KIF6: variants seen among roughly 807,000 people sequenced by gnomAD.
KIF6 encodes the protein kinesin-like protein KIF6.
Under a neutral mutation model 112.7 loss-of-function variants are expected in KIF6, and 106 were observed. The ratio of observed to expected loss-of-function variants is 0.94; its 90% CI spans 0.80 to 1.11. The LOEUF is 1.11. Ranked by LOEUF, KIF6 falls within the 50% of genes least tolerant of loss-of-function variation. The pLI is 0.00. For synonymous variants in KIF6, 339 were observed against 339.9 expected, an observed-to-expected ratio of 1.00 and a Z score of 0.03; for missense variants, 929 against 964.0, an observed-to-expected ratio of 0.96 and a Z score of 0.48.
intron 22 of KIF6, among the ~76,000 whole-genome samples, chr6:39,340,907 A>G (rs1763291672): frequency 6.6e-6 from 1 of 152,122 alleles, no homozygotes; most frequent in African/African-American, 2.4e-5. Context: ...TTACAGGGGA[A>G]GGGATATCTC....
chr6:39,617,108 C>T (rs1260335028), intron 5 of KIF6, among the ~76,000 whole-genome samples: 1 of 152,068 alleles, frequency 6.6e-6, no homozygotes, highest in Non-Finnish European at 1.5e-5. Context: ...GAACAGCTTT[C>T]CCTACAAAAT....
chr6:39,653,730 C>T (rs767352499), intron 3 of KIF6, among the ~76,000 whole-genome samples: 4 of 152,164 alleles, frequency 2.6e-5, no homozygotes, highest in Non-Finnish European at 5.9e-5. Context: ...CCCACCACTT[C>T]TCCCTAACTT....
rs142430570 is a variant in KIF6, at chr6:39,549,380, T to C, written c.1182-3692A>G. ...CACTCTTCTGTGCTATTTGCATATATCATTTCCTTAATTTTTACAACAACC... is the reference window on the plus strand; with the variant it reads ...CACTCTTCTGTGCTATTTGCATATACCATTTCCTTAATTTTTACAACAACC... On this transcript the variant is annotated intron_variant, in intron 10 of 22. Coordinates refer to ENST00000287152, the MANE Select transcript of KIF6 (RefSeq NM_145027.6). 8.4e-4 allele frequency among the ~76,000 whole-genome samples: 128 copies of C among 152,328 alleles called. 1 individual carries two copies. In the East Asian group the frequency reaches 0.01, roughly 12 times the overall value.
chr6:39,596,327 T>A, intron 6 of KIF6, 67 bp from the exon 7 acceptor site: 1 of 1,098,188 alleles, frequency 9.1e-7, no homozygotes, highest in Non-Finnish European at 1.4e-6. Flanking sequence ...TCAAAAGATT[T>A]AAAATAATAT....
chr6:39,422,303 G>A (rs1456388836), intron 14 of KIF6, among the ~76,000 whole-genome samples: 2 of 152,158 alleles, frequency 1.3e-5, no homozygotes, highest in African/African-American at 2.4e-5. Flanking sequence ...GATGTGTCTG[G>A]GGGGCCTGGC....
At chr6:39,347,310 A>G (rs1763881164) in intron 19 of KIF6, among the ~76,000 whole-genome samples, 1 of 152,118 alleles carries the variant, frequency 6.6e-6, no homozygotes, top group Non-Finnish European at 1.5e-5. Context: ...ACCCCTGACC[A>G]CACTGCCTGC....
At chr6:39,369,430 G>A (rs1299954671) in intron 16 of KIF6, among the ~76,000 whole-genome samples, 1 of 152,178 alleles carries the variant, frequency 6.6e-6, no homozygotes, top group Admixed American at 6.5e-5. Flanking sequence ...GAAGAGCAGG[G>A]CACTCTGTGA....
intron 6 of KIF6, among the ~76,000 whole-genome samples, chr6:39,601,496 T>G (rs866585829): frequency 6.6e-6 from 1 of 152,258 alleles, no homozygotes; most frequent in Middle Eastern, 3.4e-3. Flanking sequence ...CTTATGCAAC[T>G]GTTTATCAAA....
Position 39,337,160 on chromosome 6 carries a change from TTTCTTTCCTTCCTTCTTTCTTTC to T in KIF6, c.2429-635_2429-613del, listed in dbSNP as rs1763002529. Among the ~76,000 whole-genome samples, 3 of 63,980 alleles carry T rather than the reference TTTCTTTCCTTCCTTCTTTCTTTC, an allele frequency of 4.7e-5. 1 individual carries two copies. The highest frequency in any genetic ancestry group is 3.6e-4 in the African/African-American group (3 of 8,408). The allele number at this position is 63,980 out of a possible 152,430, so 42.0% of individuals were successfully genotyped here. A position where few individuals can be genotyped will look rare whatever the true frequency, so the allele number is the denominator to read the frequency against. ...CCTTCCTTCCTTTCTCTTTCTTTTCTTTCTTTCCTTCCTTCTTTCTTTCTTTCTTTCTTTCTTTCTTTCTTTCT... is the reference window on the plus strand; with the variant it reads ...CCTTCCTTCCTTTCTCTTTCTTTTCTTTTCTTTCTTTCTTTCTTTCTTTCT... On this transcript the variant is annotated intron_variant, in intron 22 of 22. Coordinates refer to ENST00000287152, the MANE Select transcript of KIF6 (RefSeq NM_145027.6).
At chr6:39,441,523 C>T (rs1319774171) in intron 13 of KIF6, among the ~76,000 whole-genome samples, 5 of 152,130 alleles carry the variant, frequency 3.3e-5, no homozygotes, top group East Asian at 1.9e-4. Context: ...GAGGTCACCA[C>T]AGTAAGCAGA....
At chr6:39,454,986 A>C (rs990196303) in intron 13 of KIF6, among the ~76,000 whole-genome samples, 2 of 151,126 alleles carry the variant, frequency 1.3e-5, no homozygotes, top group African/African-American at 2.4e-5. Context: ...TAAACAAAGC[A>C]GCCGGGAAGC....
At chr6:39,394,368 G>A (rs1696987148) in intron 15 of KIF6, among the ~76,000 whole-genome samples, 2 of 152,238 alleles carry the variant, frequency 1.3e-5, no homozygotes, top group Non-Finnish European at 2.9e-5. Context: ...TGCCACACAT[G>A]TGATGTCATC....
intron 5 of KIF6, among the ~76,000 whole-genome samples, chr6:39,632,261 C>T (rs1023472015): frequency 1.3e-5 from 2 of 151,994 alleles, no homozygotes; most frequent in African/African-American, 4.8e-5. Flanking sequence ...TGTCACTCAA[C>T]GGTAAGGAAG....
At chr6:39,350,846 G>A (rs1416898853) in intron 19 of KIF6, among the ~76,000 whole-genome samples, 1 of 152,220 alleles carries the variant, frequency 6.6e-6, no homozygotes, top group African/African-American at 2.4e-5. Flanking sequence ...GTCCCATCCA[G>A]GAATGCTGGC....
chr6:39,345,678 A>G, intron 21 of KIF6, 22 bp downstream of exon 21: 1 of 1,603,748 alleles, frequency 6.2e-7, no homozygotes, highest in Non-Finnish European at 8.5e-7. Context: ...TGTCACAGGC[A>G]TAACAGGAGA....
At chr6:39,517,245 G>A (rs1226165185) in intron 13 of KIF6, among the ~76,000 whole-genome samples, 1 of 152,140 alleles carries the variant, frequency 6.6e-6, no homozygotes, top group Non-Finnish European at 1.5e-5. Flanking sequence ...TCAAGCTGAG[G>A]GGAAAAGAAG....
At chr6:39,466,571 C>A (rs1275809868) in intron 13 of KIF6, among the ~76,000 whole-genome samples, 2 of 152,200 alleles carry the variant, frequency 1.3e-5, no homozygotes, top group Non-Finnish European at 2.9e-5. Context: ...TGAGCCATGA[C>A]TTGCTCCTTC....
intron 4 of KIF6, 74 bp from the exon 5 acceptor site, chr6:39,635,032 A>G: frequency 1.3e-6 from 1 of 795,082 alleles, no homozygotes; most frequent in South Asian, 1.5e-5. Flanking sequence ...GAACACATTT[A>G]GCACTCAGTT....
intron 13 of KIF6, among the ~76,000 whole-genome samples, chr6:39,513,306 C>T (rs555778972): frequency 1.3e-5 from 2 of 152,256 alleles, no homozygotes; most frequent in South Asian, 4.1e-4. Flanking sequence ...CCCCACGTGC[C>T]TAAGCCTGCC....
Sources: allele counts gnomAD v4.1 joint callset (sites outside exome capture counted in the v4.1 genomes callset), GRCh38; gene constraint gnomAD v4.1.1; transcripts MANE v1.5; gene names NCBI Gene and HGNC (gene_info 2026-07-23, HGNC 2026-07-21).